Variants in NAV3 observed in about 807,000 individuals in gnomAD.
NAV3 encodes the protein pore membrane and/or filament interacting like protein 1.
In NAV3, 87 loss-of-function variants were observed where a neutral mutation model predicts 244.7. That is an observed-to-expected ratio of 0.36 (90% CI 0.30 to 0.42). The LOEUF (loss-of-function observed/expected upper bound fraction) is 0.42. Among genes scored for constraint, NAV3 ranks in the 20% least tolerant of loss-of-function variants. The pLI, the probability that NAV3 is intolerant of heterozygous loss-of-function variation, is 1.00. For missense variants in NAV3, 2,663 were observed against 2,893.3 expected (o/e 0.92, Z 1.83); for synonymous variants, 1,126 against 1,042.2 (o/e 1.08, Z -1.55).
chr12:78,184,345 A>G (rs998370981), intron 30 of NAV3, among the ~76,000 whole-genome samples: 1 of 151,824 alleles, frequency 6.6e-6, no homozygotes, highest in Non-Finnish European at 1.5e-5. Context: ...ATGGTAAACC[A>G]CTCTAAACTT....
intron 12 of NAV3, among the ~76,000 whole-genome samples, chr12:78,086,508 A>G (rs1177432711): frequency 6.6e-6 from 1 of 152,084 alleles, no homozygotes; most frequent in Non-Finnish European, 1.5e-5. Flanking sequence ...CACAGTACAC[A>G]TACTTATTGC....
chr12:77,637,193 T>G (rs1002878260), intron 2 of NAV3, among the ~76,000 whole-genome samples: 1 of 145,948 alleles, frequency 6.9e-6, no homozygotes, highest in African/African-American at 2.5e-5. Context: ...TTTGGGAGAT[T>G]ATTAATGCTT....
At chr12:77,766,963 A>G (rs1357595463) in intron 2 of NAV3, among the ~76,000 whole-genome samples, 1 of 151,972 alleles carries the variant, frequency 6.6e-6, no homozygotes, top group Non-Finnish European at 1.5e-5. Context: ...AGTGTTGGCC[A>G]GACTAGTCTC....
chr12:77,761,933 A>G (rs1418285600), intron 2 of NAV3, among the ~76,000 whole-genome samples: 3 of 152,210 alleles, frequency 2.0e-5, no homozygotes, highest in African/African-American at 7.2e-5. Flanking sequence ...CTGGGTATAT[A>G]CCCAAAGGAT....
In NAV3 at chr12:78,179,661, G is replaced by C; in HGVS notation, c.5496G>C (p.Arg1832=). The change falls in exon 29 of 40, where the codon CGG becomes CGC. Residue 1832 remains arginine, a synonymous_variant. Coordinates refer to ENST00000397909, the MANE Select transcript of NAV3 (RefSeq NM_001024383.2). The part of the protein sequence containing the change: ...LSSAHHLDQI[R]EAMNRMQNEI... ...CTGCTCATCATCTTGATCAGATCCG[G>C]GAAGCCATGAACCGGATGCAGGTTG... is the stretch of plus-strand genomic sequence containing the variant. 6.2e-7 allele frequency: 1 copy of C among 1,612,436 alleles called. No homozygotes were observed. Among genetic ancestry groups the C allele is most frequent in the East Asian group, 2.2e-5 (1 of 44,786 alleles).
At chr12:77,902,495 T>C (rs1885424591) in intron 1 of NAV3, among the ~76,000 whole-genome samples, 2 of 152,184 alleles carry the variant, frequency 1.3e-5, no homozygotes, top group African/African-American at 2.4e-5. Flanking sequence ...GTTTTTGTCA[T>C]TGGTTCTGTT....
At chr12:77,988,568 T>A (rs957532791) in intron 5 of NAV3, among the ~76,000 whole-genome samples, 4 of 152,182 alleles carry the variant, frequency 2.6e-5, no homozygotes, top group Non-Finnish European at 5.9e-5. Flanking sequence ...AGAAAGATGA[T>A]CACATACTTC....
At chr12:77,758,696 C>G (rs1869315076) in intron 2 of NAV3, among the ~76,000 whole-genome samples, 1 of 152,018 alleles carries the variant, frequency 6.6e-6, no homozygotes, top group Non-Finnish European at 1.5e-5. Flanking sequence ...TTGTTATAGG[C>G]AGAAATTGGT....
chr12:78,017,689 A>C (rs1297532626), intron 8 of NAV3, among the ~76,000 whole-genome samples: 2 of 152,178 alleles, frequency 1.3e-5, no homozygotes, highest in African/African-American at 4.8e-5. Context: ...TATATCTGTC[A>C]AAATGTACTT....
intron 8 of NAV3, among the ~76,000 whole-genome samples, chr12:78,015,175 T>C (rs1875972677): frequency 8.6e-6 from 1 of 116,460 alleles, no homozygotes. Context: ...TTTTATGTTA[T>C]GTTTTTGGAA....
intron 1 of NAV3, among the ~76,000 whole-genome samples, chr12:77,859,943 T>C (rs1879013692): frequency 6.6e-6 from 1 of 151,860 alleles, no homozygotes; most frequent in African/African-American, 2.4e-5. Context: ...TGTTCCTTAG[T>C]TCCATCACAA....
At chr12:78,049,931 A>G (rs1228702479) in intron 9 of NAV3, 62 bp from the exon 10 acceptor site, 13 of 1,080,282 alleles carry the variant, frequency 1.2e-5, no homozygotes, top group Non-Finnish European at 1.8e-5. Flanking sequence ...TTATCTAGGT[A>G]TACAATTATT....
At chr12:78,134,367 C>T (rs1013678923) in intron 18 of NAV3, among the ~76,000 whole-genome samples, 1 of 152,128 alleles carries the variant, frequency 6.6e-6, no homozygotes, top group Non-Finnish European at 1.5e-5. Context: ...ATGACAGAAA[C>T]TACTAAAATC....
chr12:78,148,955 A>T (rs1349777428), intron 22 of NAV3, 36 bp downstream of exon 22: 2 of 1,503,936 alleles, frequency 1.3e-6, no homozygotes. Flanking sequence ...ATTACAACAA[A>T]TTTTTATAGA....
At chr12:77,740,803 GCAGAAGTAGA>G (rs1386746113) in intron 2 of NAV3, among the ~76,000 whole-genome samples, 1 of 152,084 alleles carries the variant, frequency 6.6e-6, no homozygotes, top group African/African-American at 2.4e-5. Flanking sequence ...CTATGAGAAG[GCAGAAGTAGA>G]ACATTTGTTC....
chr12:77,725,773 A>C (rs898719159), intron 2 of NAV3, among the ~76,000 whole-genome samples: 5 of 152,006 alleles, frequency 3.3e-5, no homozygotes, highest in Non-Finnish European at 5.9e-5. Flanking sequence ...TCAGAAGTCC[A>C]AAATGGGCCT....
intron 8 of NAV3, among the ~76,000 whole-genome samples, chr12:78,016,183 A>G (rs1400074982): frequency 6.6e-6 from 1 of 152,044 alleles, no homozygotes; most frequent in African/African-American, 2.4e-5. Flanking sequence ...GGGTGATTTT[A>G]GAAACCAAGA....
chr12:77,890,372 TC>T lies in NAV3; in HGVS notation c.244-49944del, dbSNP rs1385201623. The stretch of plus-strand genomic sequence containing the variant: ...CTCAAGCAATCCCCTCACCTCTGCC[TC>T]CCAAAGTGCTGGGATTACAGGCATG... On this transcript the variant is annotated intron_variant, in intron 1 of 39. Coordinates refer to ENST00000397909, the MANE Select transcript of NAV3 (RefSeq NM_001024383.2). Among the ~76,000 whole-genome samples the T allele has an allele frequency of 2.6e-5, 4 of 152,126 alleles. No individual in the cohort carries two copies. In the East Asian group the frequency reaches 7.7e-4, roughly 29 times the overall value.
At chr12:77,821,836 T>A (rs552647478) in intron 2 of NAV3, among the ~76,000 whole-genome samples, 1 of 152,336 alleles carries the variant, frequency 6.6e-6, no homozygotes, top group South Asian at 2.1e-4. Flanking sequence ...ACACAGTATA[T>A]TTGTGTACCC....
Sources: allele counts gnomAD v4.1 joint callset (sites outside exome capture counted in the v4.1 genomes callset), GRCh38; gene constraint gnomAD v4.1.1; transcripts MANE v1.5; gene names NCBI Gene and HGNC (gene_info 2026-07-23, HGNC 2026-07-21).